Variants in DDX60 observed in about 807,000 individuals in gnomAD.
DDX60 encodes probable ATP-dependent RNA helicase DDX60.
DDX60 carries 165 observed loss-of-function variants against 212.8 expected under a neutral mutation model. The observed-to-expected ratio is 0.78, with a 90% confidence interval of 0.68 to 0.88. The LOEUF (loss-of-function observed/expected upper bound fraction) is 0.88, where lower values mean the gene tolerates loss of function less well. DDX60 is among the 40% of genes least tolerant of loss of function. The pLI, the probability that DDX60 is intolerant of heterozygous loss-of-function variation, is 0.00. For missense variants in DDX60, 1,905 were observed against 2,003.9 expected (o/e 0.95, Z 0.94); for synonymous variants, 703 against 685.3 (o/e 1.03, Z -0.40).
chr4:168,217,114 T>A, intron 37 of DDX60, 82 bp from the exon 38 acceptor site: 1 of 818,150 alleles, frequency 1.2e-6, no homozygotes, highest in Non-Finnish European at 2.0e-6. Context: ...TAGGCAGAAG[T>A]AAGGAAATCC....
intron 33 of DDX60, among the ~76,000 whole-genome samples, chr4:168,230,433 G>T (rs1733408868): frequency 6.6e-6 from 1 of 152,000 alleles, no homozygotes; most frequent in South Asian, 2.1e-4. Context: ...TCAGCACATG[G>T]AACATTCTCC....
chr4:168,270,448 T>G (rs13145130), intron 19 of DDX60, among the ~76,000 whole-genome samples: 95 of 152,366 alleles, frequency 6.2e-4, no homozygotes, highest in Non-Finnish European at 1.2e-3. Context: ...GATAGCACTG[T>G]TCCCTGATTC....
At chr4:168,297,260 A>G (rs939854008) in intron 6 of DDX60, among the ~76,000 whole-genome samples, 1 of 144,578 alleles carries the variant, frequency 6.9e-6, no homozygotes, top group African/African-American at 2.8e-5. Context: ...GGCTGGAAAG[A>G]AAGAAAGAAA....
At chr4:168,286,135 GGAA>G (rs1440619136) in intron 10 of DDX60, among the ~76,000 whole-genome samples, 1 of 150,114 alleles carries the variant, frequency 6.7e-6, no homozygotes, top group Non-Finnish European at 1.5e-5. Flanking sequence ...AAGGAAGGAA[GGAA>G]GAAAGGAAGG....
chr4:168,322,807 C>T (rs893882103), upstream of DDX60, among the ~76,000 whole-genome samples: 1 of 152,160 alleles, frequency 6.6e-6, no homozygotes, highest in African/African-American at 2.4e-5. Flanking sequence ...CCACACAGGG[C>T]CACACCGGGA....
At chr4:168,249,540 C>A (rs12509350) in intron 28 of DDX60, among the ~76,000 whole-genome samples, 3,389 of 152,022 alleles carry the variant, frequency 0.022, 211 homozygotes, top group East Asian at 0.15. Flanking sequence ...GAATAAATAC[C>A]TTTTTAAAAA....
intron 25 of DDX60, among the ~76,000 whole-genome samples, chr4:168,256,463 C>A (rs1175562341): frequency 6.6e-6 from 1 of 152,126 alleles, no homozygotes; most frequent in African/African-American, 2.4e-5. Context: ...GTGATCCATA[C>A]TTCCTGGCAC....
At chr4:168,241,478 T>C (rs1426039449) in intron 30 of DDX60, among the ~76,000 whole-genome samples, 2 of 152,310 alleles carry the variant, frequency 1.3e-5, no homozygotes, top group East Asian at 3.9e-4. Flanking sequence ...AAATTCAGGC[T>C]GAGGTGGTCT....
rs1734018618 is a variant in DDX60, at chr4:168,246,267, C to A, written c.4164+151G>T. 8 of 890,196 alleles carry A rather than the reference C, an allele frequency of 9.0e-6. 1 individual carries two copies. In the Admixed American group the frequency reaches 1.7e-4, roughly 19 times the overall value. 55.1% of individuals were successfully genotyped at this position (890,196 alleles called of 1,614,324 possible). On this transcript the variant is annotated intron_variant, in intron 30 of 37. Transcript: ENST00000393743. ...CAAAACTGTTATTCTCCCTAGCTAC[C>A]CCCAATTCTATACGATTCAAGACAT... is the stretch of plus-strand genomic sequence containing the variant.
At chr4:168,292,033 C>CTTTT in intron 7 of DDX60, 127 bp from the exon 8 acceptor site, 1 of 406,508 alleles carries the variant, frequency 2.5e-6, no homozygotes, top group South Asian at 6.8e-5. Flanking sequence ...TCCTTTCTTT[C>CTTTT]TTTCTTTCTT....
intron 24 of DDX60, 123 bp from the exon 25 acceptor site, chr4:168,261,112 A>G: frequency 1.0e-6 from 1 of 993,322 alleles, no homozygotes. Context: ...AAATAGTCCT[A>G]TGAAAGTACA....
chr4:168,246,553 T>C lies in DDX60; in HGVS notation c.4029A>G (p.Pro1343=). Residue 1343 remains proline, a synonymous_variant, in exon 30 of 38, where the codon CCA becomes CCG. Coordinates refer to ENST00000393743, the MANE Select transcript of DDX60 (RefSeq NM_017631.6). ...TTATGAGTTTTCCTATTTTGGGGAA[T>C]GGAATATCAAAGAAATATACATCTC... ...LMGDVYFFDI[P]FPKIGKLIKS... is the part of the protein sequence containing the mutation. 6.2e-7 allele frequency: 1 copy of C among 1,614,090 alleles called. No homozygotes were observed. The highest frequency in any genetic ancestry group is 8.5e-7 in the Non-Finnish European group (1 of 1,180,000).
chr4:168,259,781 T>C (rs1222866060), intron 25 of DDX60, among the ~76,000 whole-genome samples: 2 of 151,532 alleles, frequency 1.3e-5, no homozygotes, highest in African/African-American at 4.9e-5. Flanking sequence ...TTTGATACTA[T>C]AATATATAAA....
At chr4:168,263,019 T>C (rs1433188978) in intron 22 of DDX60, among the ~76,000 whole-genome samples, 3 of 152,178 alleles carry the variant, frequency 2.0e-5, no homozygotes, top group African/African-American at 7.2e-5. Context: ...CCAAGACCTT[T>C]TCATTGTGCT....
chr4:168,325,624 G>T, the DDX60 span, among the ~76,000 whole-genome samples: 1 of 135,570 alleles, frequency 7.4e-6, no homozygotes, highest in Non-Finnish European at 1.6e-5. Flanking sequence ...CACTCCATCT[G>T]TGATATATCT....
At chr4:168,300,172 T>C (rs1736586582) in intron 6 of DDX60, among the ~76,000 whole-genome samples, 1 of 150,886 alleles carries the variant, frequency 6.6e-6, no homozygotes, top group South Asian at 2.1e-4. Context: ...CTAATAAAAC[T>C]GAGGAGGAAA....
chr4:168,239,756 T>C (rs1411920794), intron 30 of DDX60, among the ~76,000 whole-genome samples: 1 of 152,116 alleles, frequency 6.6e-6, no homozygotes, highest in East Asian at 1.9e-4. Flanking sequence ...TAGCAGGCCA[T>C]ATGGGAAAGA....
In DDX60 at chr4:168,237,391, C is replaced by A. The variant is rs867583844; in HGVS notation, c.4306G>T (p.Ala1436Ser). The A allele has an allele frequency of 1.3e-6, 2 of 1,596,632 alleles. No homozygotes were observed. The highest frequency in any genetic ancestry group is 1.7e-6 in the Non-Finnish European group (2 of 1,172,272). Reference sequence around the variant, plus strand: ...TAATGCAAATGTGATACAAGTCCAGCAAACCCCATAGGATTACCTTCTTGA... The same window carrying A: ...TAATGCAAATGTGATACAAGTCCAGAAAACCCCATAGGATTACCTTCTTGA... ...LDQEGNPMGF[A>S]GLVSHLHYHE... The change falls in exon 32 of 38, where the codon GCT becomes TCT. Residue 1436 changes from alanine (A) to serine (S), a missense_variant. Ala to Ser is a moderately conservative substitution (Grantham distance 99). Transcript: ENST00000393743.
intron 33 of DDX60, among the ~76,000 whole-genome samples, chr4:168,229,436 A>G (rs1733370038): frequency 6.6e-6 from 1 of 152,156 alleles, no homozygotes; most frequent in Non-Finnish European, 1.5e-5. Context: ...GAAAGACCAC[A>G]TGGAGAAGGA....
Sources: gnomAD v4.1 joint callset for allele counts (sites outside exome capture counted in the v4.1 genomes callset) on GRCh38, gnomAD v4.1.1 for gene constraint, MANE v1.5 for transcripts, NCBI Gene and HGNC (gene_info 2026-07-23, HGNC 2026-07-21) for gene names.